The following CAPN11 variants were observed in gnomAD, a reference collection of about 807,000 sequenced individuals.
The protein encoded by CAPN11 is calpain 11, also known as calpain-11.
A neutral mutation model predicts 105.3 loss-of-function variants in CAPN11; 108 were observed. That is an observed-to-expected ratio of 1.03 (90% confidence interval 0.88 to 1.20). The LOEUF is 1.20. Among genes scored for constraint, CAPN11 ranks in the 50% most tolerant of loss-of-function variants. The pLI is 0.00. For synonymous variants in CAPN11, 329 were observed against 344.5 expected (o/e 0.96, Z 0.50); for missense variants, 883 against 924.8 (o/e 0.95, Z 0.59).
Position 44,180,512 on chromosome 6 carries a change from T to G in CAPN11, c.1680+13T>G. 1.2e-6 allele frequency: 2 copies of G among 1,613,720 alleles called. No homozygotes were observed. Among genetic ancestry groups the G allele is most frequent in the Non-Finnish European group, 1.7e-6 (2 of 1,179,802 alleles). On this transcript the variant is annotated intron_variant, in intron 15 of 22. Transcript: ENST00000398776. ...GCAACTCCAAGAGGTGAGGGGAGAC[T>G]GTAGGGCTGGGGGTTGGAAGGAAGC...
At chr6:44,181,919 T>C (rs111163433) in intron 19 of CAPN11, among the ~76,000 whole-genome samples, 2,219 of 8,076 alleles carry the variant, frequency 0.27, 6 homozygotes, top group Admixed American at 0.32. Context: ...CACACACACA[T>C]ACACACTCAC....
intron 4 of CAPN11, 35 bp from the exon 5 acceptor site, chr6:44,172,267 G>A: frequency 7.0e-7 from 1 of 1,429,994 alleles, no homozygotes; most frequent in Non-Finnish European, 9.6e-7. Context: ...ATATGGGGTT[G>A]CTCAGGGGTG....
In CAPN11 at chr6:44,173,091, A is replaced by G; in HGVS notation, c.662+18A>G. 2 of 1,611,320 alleles carry G rather than the reference A, an allele frequency of 1.2e-6. No homozygotes were observed. The highest frequency in any genetic ancestry group is 1.7e-4 in the Middle Eastern group (1 of 6,030). On this transcript the variant is annotated intron_variant, in intron 6 of 22. Transcript: ENST00000398776. ...TATGCCAAGTGAGTGCTGGGAGCTG[A>G]GGAAGGGGGCTTGCCTTGCCTCTGT...
intron 1 of CAPN11, among the ~76,000 whole-genome samples, chr6:44,164,672 C>T (rs1402123293): frequency 6.6e-6 from 1 of 152,028 alleles, no homozygotes; most frequent in African/African-American, 2.4e-5. Flanking sequence ...CCCGGTGGAC[C>T]CAGTGTGAGC....
At chr6:44,162,026 A>G (rs772797652) in intron 1 of CAPN11, 6 of 396,522 alleles carry the variant, frequency 1.5e-5, no homozygotes, top group East Asian at 7.3e-5. Context: ...CCTGGCCTCT[A>G]CTTACTAGAT....
chr6:44,178,915 C>G lies in CAPN11; in HGVS notation c.1417-704C>G, dbSNP rs1326803401. On this transcript the variant is annotated intron_variant, in intron 12 of 22. Coordinates refer to ENST00000398776, the MANE Select transcript of CAPN11 (RefSeq NM_007058.4). Reference sequence around the variant, plus strand: ...TTCAGCCTGGGCGCAGAGTGAGACCCTGTCTCAAAGACATCTTCAAGGTTA... The same window carrying G: ...TTCAGCCTGGGCGCAGAGTGAGACCGTGTCTCAAAGACATCTTCAAGGTTA... 2.0e-5 allele frequency among the ~76,000 whole-genome samples: 3 copies of G among 152,076 alleles called. No homozygotes were observed. In the East Asian group the frequency reaches 5.8e-4, roughly 29 times the overall value.
Position 44,176,053 on chromosome 6 carries a change from C to A in CAPN11, c.832-15C>A, listed in dbSNP as rs1269107730. On this transcript the variant is annotated splice_polypyrimidine_tract_variant and intron_variant, in intron 7 of 22. Coordinates refer to ENST00000398776, the MANE Select transcript of CAPN11 (RefSeq NM_007058.4). Reference sequence around the variant, plus strand: ...TCCATGCCCTCCATGCTCTCCCTCCCTCTCTGTTCTGTAGGTCACCAGTGA... The same window carrying A: ...TCCATGCCCTCCATGCTCTCCCTCCATCTCTGTTCTGTAGGTCACCAGTGA... 6.3e-7 allele frequency: 1 copy of A among 1,592,678 alleles called. No individual in the cohort carries two copies. Among genetic ancestry groups the A allele is most frequent in the East Asian group, 2.2e-5 (1 of 44,648 alleles).
At chr6:44,183,880 C>G (rs970308446) in intron 22 of CAPN11, 26 bp from the exon 23 acceptor site, 1 of 1,562,262 alleles carries the variant, frequency 6.4e-7, no homozygotes, top group African/African-American at 1.4e-5. Context: ...TCTTCCCACC[C>G]TGGGATCTGC....
intron 7 of CAPN11, among the ~76,000 whole-genome samples, chr6:44,173,931 T>C (rs1277375875): frequency 3.3e-5 from 5 of 152,196 alleles, no homozygotes; most frequent in African/African-American, 1.2e-4. Flanking sequence ...CCAACATTTA[T>C]TGTGACCTGA....
intron 1 of CAPN11, among the ~76,000 whole-genome samples, chr6:44,161,523 G>A (rs952228508): frequency 2.0e-5 from 3 of 152,214 alleles, no homozygotes; most frequent in Admixed American, 2.0e-4. Context: ...CATGACAACT[G>A]TGGTGGTGTG....
Position 44,176,081 on chromosome 6 carries a change from G to A in CAPN11, c.845G>A (p.Ser282Asn). The A allele has an allele frequency of 6.2e-7, 1 of 1,611,110 alleles. No individual in the cohort carries two copies. The highest frequency in any genetic ancestry group is 1.3e-5 in the African/African-American group (1 of 74,976). Residue 282 changes from serine to asparagine, a missense_variant, in exon 8 of 23, where the codon AGT (serine) becomes AAT (asparagine). Coordinates refer to ENST00000398776, the MANE Select transcript of CAPN11 (RefSeq NM_007058.4). ...MGCSIEVTSD[S>N]ELESMTDKML... The stretch of plus-strand genomic sequence containing the variant: ...TCTGTTCTGTAGGTCACCAGTGATA[G>A]TGAACTGGAATCCATGACTGACAAG...
At chr6:44,161,911 T>C in intron 1 of CAPN11, 1 of 456,110 alleles carries the variant, frequency 2.2e-6, no homozygotes, top group South Asian at 1.5e-5. Context: ...CCTTAGATGA[T>C]TCGCTCAACC....
At chr6:44,174,084 C>T (rs1347840461) in intron 7 of CAPN11, among the ~76,000 whole-genome samples, 1 of 152,142 alleles carries the variant, frequency 6.6e-6, no homozygotes, top group Non-Finnish European at 1.5e-5. Flanking sequence ...AATAGGCACC[C>T]AACCAACATT....
intron 8 of CAPN11, 38 bp downstream of exon 8, chr6:44,176,189 G>C: frequency 7.3e-7 from 1 of 1,368,680 alleles, no homozygotes; most frequent in Non-Finnish European, 9.9e-7. Flanking sequence ...TGAGGACCCT[G>C]AGAAGGAGGA....
chr6:44,161,871 A>T, intron 1 of CAPN11: 1 of 456,236 alleles, frequency 2.2e-6, no homozygotes, highest in South Asian at 1.5e-5. Flanking sequence ...GTGCAAGGGC[A>T]TGGAGTGGTT....
chr6:44,179,993 C>G lies in CAPN11; in HGVS notation c.1470C>G (p.Phe490Leu). 1 of 1,613,856 alleles carries G rather than the reference C, an allele frequency of 6.2e-7. No homozygotes were observed. The highest frequency in any genetic ancestry group is 8.5e-7 in the Non-Finnish European group (1 of 1,179,780). Residue 490 changes from phenylalanine to leucine, a missense_variant, in exon 14 of 23, where the codon TTC (phenylalanine) becomes TTG (leucine). Transcript: ENST00000398776. ...IQDVHLKKEF[F>L]TKYQDHGFSE... is the part of the protein sequence containing the mutation. Reference sequence around the variant, plus strand: ...ATGTCCACTTGAAGAAGGAATTCTTCACGAAGTATCAGGACCACGGCTTCT... The same window carrying G: ...ATGTCCACTTGAAGAAGGAATTCTTGACGAAGTATCAGGACCACGGCTTCT...
chr6:44,166,938 T>TGGGG, intron 2 of CAPN11, 109 bp downstream of exon 2: 1 of 276,476 alleles, frequency 3.6e-6, no homozygotes, highest in Admixed American at 4.8e-5. Context: ...TCATGTTGTG[T>TGGGG]GGGGAGGGCG....
chr6:44,182,540 G>C (rs1210533283), intron 19 of CAPN11, among the ~76,000 whole-genome samples: 2 of 152,102 alleles, frequency 1.3e-5, no homozygotes, highest in Non-Finnish European at 2.9e-5. Context: ...GGCCAGGGTT[G>C]GAGGGGGGCA....
chr6:44,165,393 T>C (rs573519078), intron 1 of CAPN11, among the ~76,000 whole-genome samples: 5 of 152,262 alleles, frequency 3.3e-5, no homozygotes, highest in African/African-American at 1.2e-4. Flanking sequence ...AGCCAAGGCA[T>C]GGGGAGATAA....
Sources: gnomAD v4.1 joint callset for allele counts (sites outside exome capture counted in the v4.1 genomes callset) on GRCh38, gnomAD v4.1.1 for gene constraint, MANE v1.5 for transcripts, NCBI Gene and HGNC (gene_info 2026-07-23, HGNC 2026-07-21) for gene names.